The following ALG11 variants were observed in gnomAD, a reference collection of about 807,000 sequenced individuals.
ALG11 encodes ALG11 alpha-1,2-mannosyltransferase.
In ALG11, 26 loss-of-function variants were observed where a neutral mutation model predicts 38.8. That is an observed-to-expected ratio of 0.67 (90% CI 0.49 to 0.93). The LOEUF (loss-of-function observed/expected upper bound fraction) is 0.93, where lower values mean the gene tolerates loss of function less well. ALG11 is among the 40% of genes least tolerant of loss of function. The pLI is 0.00. For synonymous variants in ALG11, 199 were observed against 211.6 expected, an observed-to-expected ratio of 0.94 and a Z score of 0.52; for missense variants, 535 against 578.8, an observed-to-expected ratio of 0.92 and a Z score of 0.78.
intron 3 of ALG11, among the ~76,000 whole-genome samples, chr13:52,026,283 A>G (rs1279438579): frequency 2.0e-5 from 3 of 152,230 alleles, no homozygotes; most frequent in Non-Finnish European, 2.9e-5. Context: ...CAGCACTGTG[A>G]CAGGAGTGAC....
chr13:52,019,322 T>G (rs571116957), intron 2 of ALG11, among the ~76,000 whole-genome samples, 179 bp downstream of exon 2: 35 of 147,772 alleles, frequency 2.4e-4, no homozygotes, highest in African/African-American at 8.6e-4. Context: ...CCCAGGTTCA[T>G]GCCATTCTCC....
In ALG11 at chr13:52,028,513, C is replaced by T. The variant is rs886039306; in HGVS notation, c.1402C>T (p.Arg468Cys). The T allele has an allele frequency of 1.2e-6, 2 of 1,613,984 alleles. No homozygotes were observed. The highest frequency in any genetic ancestry group is 2.2e-5 in the East Asian group (1 of 44,894). ...EKRLQIRKSA[R>C]ASVSRFSDQE... is the part of the protein sequence containing the mutation. ...GAGACTCCAAATCAGAAAAAGTGCTCGTGCATCTGTAAGCAGATTCTCTGA... is the reference window on the plus strand; with the variant it reads ...GAGACTCCAAATCAGAAAAAGTGCTTGTGCATCTGTAAGCAGATTCTCTGA... Residue 468 changes from arginine to cysteine, a missense_variant, in exon 4 of 4, where the codon CGT becomes TGT. By Grantham distance (180) the Arg-to-Cys change is radical (BLOSUM62 -3). Coordinates refer to ENST00000521508, the MANE Select transcript of ALG11 (RefSeq NM_001004127.3).
At position 52,028,623 on chromosome 13, in the gene ALG11, T is replaced by C. The variant is rs757553841; in HGVS notation, c.*33T>C. Reference sequence around the variant, plus strand: ...TCTGTAAAATTAAAGATATTTTATATAAACTGGTTAAACACCTTCATATGT... The same window carrying C: ...TCTGTAAAATTAAAGATATTTTATACAAACTGGTTAAACACCTTCATATGT... On this transcript the variant is annotated 3_prime_UTR_variant, in exon 4 of 4. Transcript: ENST00000521508. The C allele has an allele frequency of 6.3e-7, 1 of 1,583,908 alleles. No homozygotes were observed. Among genetic ancestry groups the C allele is most frequent in the Non-Finnish European group, 8.7e-7 (1 of 1,155,262 alleles).
rs1435920650 is a variant in ALG11 at position 52,025,026 on chromosome 13, C to T, written c.1207+89C>T. On this transcript the variant is annotated intron_variant, in intron 3 of 3. Transcript: ENST00000521508. The stretch of plus-strand genomic sequence containing the variant: ...AAAATGATAATACTCTGGAAATCTG[C>T]ATCATGCCCTAATTCTCTTGCCCTC... 2.9e-6 allele frequency: 4 copies of T among 1,389,572 alleles called. No individual in the cohort carries two copies. In the African/African-American group the frequency reaches 5.7e-5, roughly 20 times the overall value. The allele number at this position is 1,389,572 out of a possible 1,614,324, so 86.1% of individuals were successfully genotyped here. A position where few individuals can be genotyped will look rare whatever the true frequency, so the allele number is the denominator to read the frequency against.
chr13:52,018,720 G>T (rs1954156335), intron 1 of ALG11, among the ~76,000 whole-genome samples, 193 bp from the exon 2 acceptor site: 1 of 152,078 alleles, frequency 6.6e-6, no homozygotes, highest in Admixed American at 6.5e-5. Flanking sequence ...AACTAAAGGG[G>T]ACTTATCCTT....
chr13:52,031,356 C>G lies in ALG11; in HGVS notation c.*2766C>G. 1 of 517,240 alleles carries G rather than the reference C, an allele frequency of 1.9e-6. No homozygotes were observed. The highest frequency in any genetic ancestry group is 3.3e-6 in the Non-Finnish European group (1 of 298,528). The allele number at this position is 517,240 out of a possible 1,614,324, so 32.0% of individuals were successfully genotyped here. On this transcript the variant is annotated 3_prime_UTR_variant, in exon 4 of 4. Coordinates refer to ENST00000521508, the MANE Select transcript of ALG11 (RefSeq NM_001004127.3). The stretch of plus-strand genomic sequence containing the variant: ...CAGTGGATGACCCTTTTGAATATAC[C>G]TAATGATTTCCTTAAAAAAGAAATT...
rs775557620 is a variant in ALG11 at position 52,024,784 on chromosome 13, C to T, written c.1054C>T (p.Leu352Phe). The T allele has an allele frequency of 3.1e-6, 5 of 1,614,210 alleles. No homozygotes were observed. In the Admixed American group the frequency reaches 6.7e-5, roughly 22 times the overall value. The change falls in exon 3 of 4, where the codon CTT becomes TTT. Residue 352 changes from leucine to phenylalanine, a missense_variant. Leu to Phe is a conservative substitution (Grantham distance 22). Transcript: ENST00000521508. ...AGGTTGTCGTAACAAAGATGATGAA[C>T]TTAGGGTAAACCAACTGAGAAGGCT... Reference protein sequence around the residue: ...IGGCRNKDDELRVNQLRRLSE... With the variant: ...IGGCRNKDDEFRVNQLRRLSE...
At chr13:52,020,416 A>G (rs1173947566) in intron 2 of ALG11, among the ~76,000 whole-genome samples, 1 of 152,144 alleles carries the variant, frequency 6.6e-6, no homozygotes, top group Admixed American at 6.5e-5. Flanking sequence ...GAATTACCTC[A>G]GCTATACTTT....
At chr13:52,013,878 G>A (rs954767303) in intron 1 of ALG11, among the ~76,000 whole-genome samples, 3 of 152,192 alleles carry the variant, frequency 2.0e-5, no homozygotes, top group African/African-American at 7.2e-5. Flanking sequence ...TAACATTAAT[G>A]TAATATTTGC....
At position 52,012,476 on chromosome 13, in the gene ALG11, C is replaced by T. The variant is rs755614049; in HGVS notation, c.44+14C>T. On this transcript the variant is annotated intron_variant, in intron 1 of 3. Transcript: ENST00000521508. Reference sequence around the variant, plus strand: ...CAAGTTGTTGAGGTGAGCAGCCGGTCGTGTGGGCTCACAGACGTTTTCTCT... The same window carrying T: ...CAAGTTGTTGAGGTGAGCAGCCGGTTGTGTGGGCTCACAGACGTTTTCTCT... The T allele has an allele frequency of 1.5e-5, 24 of 1,613,978 alleles. No individual in the cohort carries two copies. The highest frequency in any genetic ancestry group is 1.9e-5 in the Non-Finnish European group (23 of 1,180,050).
intron 1 of ALG11, among the ~76,000 whole-genome samples, chr13:52,012,723 T>C (rs1954086765): frequency 6.6e-6 from 1 of 151,404 alleles, no homozygotes. Flanking sequence ...CTGCTTCAGC[T>C]TTTTTTTTCC....
chr13:52,028,811 G>A lies in ALG11; in HGVS notation c.*221G>A. 6.2e-7 allele frequency: 1 copy of A among 1,614,266 alleles called. No homozygotes were observed. Among genetic ancestry groups the A allele is most frequent in the Non-Finnish European group, 8.5e-7 (1 of 1,180,044 alleles). On this transcript the variant is annotated 3_prime_UTR_variant, in exon 4 of 4. Transcript: ENST00000521508. ...AGAGAGGCTGGCTGCTGAGATGAAT[G>A]TGAACCAGGTTGCAGAGAATCTGGC...
In ALG11 at chr13:52,023,993, C is replaced by G; in HGVS notation, c.276-13C>G. ...TAACTTAATATATTCTTAACCATTA[C>G]ATTCTATTTTAGGTATCCTGAAGCA... On this transcript the variant is annotated splice_polypyrimidine_tract_variant and intron_variant, in intron 2 of 3. Transcript: ENST00000521508. 3 of 1,612,534 alleles carry G rather than the reference C, an allele frequency of 1.9e-6. No individual in the cohort carries two copies. Among genetic ancestry groups the G allele is most frequent in the Non-Finnish European group, 2.5e-6 (3 of 1,178,630 alleles).
intron 2 of ALG11, 83 bp from the exon 3 acceptor site, chr13:52,023,923 T>G (rs544488061): frequency 1.6e-6 from 2 of 1,255,782 alleles, no homozygotes; most frequent in African/African-American, 3.0e-5. Flanking sequence ...GCCTCCTGAG[T>G]AGCTGGGATT....
rs79281620 is a variant in ALG11 at position 52,028,862 on chromosome 13, G to A, written c.*272G>A. The A allele has an allele frequency of 1.8e-4, 294 of 1,614,118 alleles. No individual in the cohort carries two copies. Among genetic ancestry groups the A allele is most frequent in the Non-Finnish European group, 5.1e-6 (6 of 1,180,040 alleles). On this transcript the variant is annotated 3_prime_UTR_variant, in exon 4 of 4. Coordinates refer to ENST00000521508, the MANE Select transcript of ALG11 (RefSeq NM_001004127.3). ...TTTGAGCCACCAGGAAGAACTAGTG[G>A]ATTTGCCAAAAAACTACCCCTTGAG...
chr13:52,022,289 A>G (rs571993504), intron 2 of ALG11: 1 of 152,240 alleles, frequency 6.6e-6, no homozygotes, highest in Non-Finnish European at 1.5e-5. Context: ...AATCACTTGA[A>G]CCCGAGAGGT....
Position 52,032,153 on chromosome 13 carries a change from C to G in ALG11, c.*3563C>G, listed in dbSNP as rs1036714057. The G allele has an allele frequency of 6.5e-6, 1 of 153,194 alleles. No individual in the cohort carries two copies. The highest frequency in any genetic ancestry group is 1.5e-5 in the Non-Finnish European group (1 of 68,046). 9.5% of individuals were successfully genotyped at this position (153,194 alleles called of 1,614,324 possible). A position where few individuals can be genotyped will look rare whatever the true frequency, so the allele number is the denominator to read the frequency against. On this transcript the variant is annotated 3_prime_UTR_variant, in exon 4 of 4. Transcript: ENST00000521508. Reference sequence around the variant, plus strand: ...AGGAGAATTGCTTGAAACTGGAAGGCAGAGGTTGCAGTGAGCCAAGATTGT... The same window carrying G: ...AGGAGAATTGCTTGAAACTGGAAGGGAGAGGTTGCAGTGAGCCAAGATTGT...
At chr13:52,018,054 TAAAAG>T (rs1954149820) in intron 1 of ALG11, among the ~76,000 whole-genome samples, 1 of 152,218 alleles carries the variant, frequency 6.6e-6, no homozygotes, top group South Asian at 2.1e-4. Flanking sequence ...TTGGCAACCC[TAAAAG>T]AAAAGCACCT....
chr13:52,023,404 G>A (rs910149783), intron 2 of ALG11: 1 of 151,976 alleles, frequency 6.6e-6, no homozygotes, highest in Admixed American at 6.5e-5. Context: ...ATCATTTTTA[G>A]TATGACCAAC....
Sources: allele counts gnomAD v4.1 joint callset (sites outside exome capture counted in the v4.1 genomes callset), GRCh38; gene constraint gnomAD v4.1.1; transcripts MANE v1.5; gene names NCBI Gene and HGNC (gene_info 2026-07-23, HGNC 2026-07-21).